Variants in TRPM7 observed in about 807,000 individuals in gnomAD.
TRPM7 encodes LTRPC ion channel family member 7.
In TRPM7, 134 loss-of-function variants were observed where a neutral mutation model predicts 229.7. The ratio of observed to expected loss-of-function variants is 0.58; its 90% CI spans 0.51 to 0.67. TRPM7 has a LOEUF of 0.67. Among genes scored for constraint, TRPM7 ranks in the 30% least tolerant of loss-of-function variants. TRPM7 has a pLI of 0.00. For synonymous variants in TRPM7, 699 were observed against 715.2 expected, an observed-to-expected ratio of 0.98 and a Z score of 0.36; for missense variants, 1,901 against 2,210.0, an observed-to-expected ratio of 0.86 and a Z score of 2.80.
chr15:50,609,206 TTTCTAGAC>T (rs2059998049), intron 19 of TRPM7, among the ~76,000 whole-genome samples: 1 of 152,198 alleles, frequency 6.6e-6, no homozygotes, highest in Non-Finnish European at 1.5e-5. Context: ...AACAGGTTTA[TTTCTAGAC>T]TTTTATGTAT....
Position 50,596,245 on chromosome 15 carries a change from A to G in TRPM7, c.3290+10T>C, listed in dbSNP as rs753849785. On this transcript the variant is annotated intron_variant, in intron 23 of 38. Transcript: ENST00000646667. The stretch of plus-strand genomic sequence containing the variant: ...TCATCTTATAACAAACAATTGAACA[A>G]AATTCTTACTTGAAAAATGCAATAA... 6 of 1,484,738 alleles carry G rather than the reference A, an allele frequency of 4.0e-6. No individual in the cohort carries two copies. The Admixed American group carries it at 1.2e-4, about 29-fold the overall frequency. 92.0% of individuals were successfully genotyped at this position (1,484,738 alleles called of 1,614,324 possible). A position where few individuals can be genotyped will look rare whatever the true frequency, so the allele number is the denominator to read the frequency against.
intron 22 of TRPM7, among the ~76,000 whole-genome samples, chr15:50,597,274 C>T (rs2059657930): frequency 6.6e-6 from 1 of 152,032 alleles, no homozygotes; most frequent in African/African-American, 2.4e-5. Flanking sequence ...AACAGCATTA[C>T]AAGGAATAAA....
intron 29 of TRPM7, among the ~76,000 whole-genome samples, chr15:50,582,782 T>C (rs2054483935): frequency 6.6e-6 from 1 of 152,212 alleles, no homozygotes; most frequent in Admixed American, 6.5e-5. Flanking sequence ...CTTGTCAGTG[T>C]GTGCTTTTAA....
intron 13 of TRPM7, 71 bp downstream of exon 13, chr15:50,619,674 T>C (rs1409899144): frequency 2.4e-6 from 3 of 1,252,360 alleles, no homozygotes; most frequent in South Asian, 1.5e-5. Context: ...AATGATTTTT[T>C]TTTTAAAAAA....
chr15:50,567,033 T>C (rs1443762549), intron 38 of TRPM7, among the ~76,000 whole-genome samples: 1 of 150,020 alleles, frequency 6.7e-6, no homozygotes, highest in African/African-American at 2.5e-5. Context: ...GCCCCCAAAT[T>C]TGACAATTAA....
rs1194881378 is a variant in TRPM7 at position 50,607,330 on chromosome 15, TAA to T, written c.2581-4_2581-3del. On this transcript the variant is annotated splice_polypyrimidine_tract_variant and splice_region_variant and intron_variant, in intron 19 of 38. Transcript: ENST00000646667. ...CATCAGAAATCCTAAATATGCCAACTAATGAAAAAGTAAAGGTTACATAAATA... is the reference window on the plus strand; with the variant it reads ...CATCAGAAATCCTAAATATGCCAACTTGAAAAAGTAAAGGTTACATAAATA... The T allele has an allele frequency of 3.2e-6, 5 of 1,562,484 alleles. No homozygotes were observed. The East Asian group carries it at 1.1e-4, about 36-fold the overall frequency.
intron 3 of TRPM7, among the ~76,000 whole-genome samples, chr15:50,653,124 A>G (rs1236652907): frequency 3.3e-5 from 5 of 152,174 alleles, no homozygotes; most frequent in Non-Finnish European, 5.9e-5. Flanking sequence ...AGTCTGGGCC[A>G]CAGAGTGAGA....
intron 27 of TRPM7, among the ~76,000 whole-genome samples, chr15:50,587,879 T>C (rs1275727683): frequency 6.6e-6 from 1 of 152,216 alleles, no homozygotes; most frequent in Non-Finnish European, 1.5e-5. Context: ...ATATTCCATA[T>C]GTCATATGGC....
intron 36 of TRPM7, among the ~76,000 whole-genome samples, chr15:50,573,097 T>A (rs1209370178): frequency 6.6e-6 from 1 of 152,164 alleles, no homozygotes; most frequent in Non-Finnish European, 1.5e-5. Flanking sequence ...TTTTCTTTTA[T>A]ATGTATGAAA....
Position 50,607,290 on chromosome 15 carries a change from C to A in TRPM7, c.2619G>T (p.Val873=). The A allele has an allele frequency of 1.2e-6, 2 of 1,603,668 alleles. No individual in the cohort carries two copies. The highest frequency in any genetic ancestry group is 1.7e-5 in the Admixed American group (1 of 58,758). The change falls in exon 20 of 39, where the codon GTG becomes GTT. Residue 873 remains valine (V), a synonymous_variant. Coordinates refer to ENST00000646667, the MANE Select transcript of TRPM7 (RefSeq NM_017672.6). ...GTAACTGTTCCATTTGTACAAGAACCACAAATGTATAAAGCATCAGAAATC... is the reference window on the plus strand; with the variant it reads ...GTAACTGTTCCATTTGTACAAGAACAACAAATGTATAAAGCATCAGAAATC... ...YLGFLMLYTF[V]VLVQMEQLPS...
In TRPM7 at chr15:50,607,185, A is replaced by ATAGTT; in HGVS notation, c.2709+14_2709+15insAACTA. 6.3e-7 allele frequency: 1 copy of ATAGTT among 1,593,296 alleles called. No individual in the cohort carries two copies. Among genetic ancestry groups the ATAGTT allele is most frequent in the South Asian group, 1.2e-5 (1 of 86,004 alleles). ...TATACAGTAAATTATTGGTAGAAAA[A>ATAGTT]AACTAAAGACATACCTCACGGACTT... On this transcript the variant is annotated intron_variant, in intron 20 of 38. Coordinates refer to ENST00000646667, the MANE Select transcript of TRPM7 (RefSeq NM_017672.6).
intron 5 of TRPM7, among the ~76,000 whole-genome samples, 191 bp from the exon 6 acceptor site, chr15:50,639,739 T>C (rs538868137): frequency 6.6e-6 from 1 of 151,570 alleles, no homozygotes; most frequent in Non-Finnish European, 1.5e-5. Flanking sequence ...GCTAATTTTT[T>C]TTTTTTTTTT....
chr15:50,610,001 T>G (rs201144221), intron 17 of TRPM7, 40 bp from the exon 18 acceptor site: 1 of 1,377,076 alleles, frequency 7.3e-7, no homozygotes, highest in Non-Finnish European at 1.0e-6. Flanking sequence ...TAAAAATTAA[T>G]GACCTTCAAG....
intron 10 of TRPM7, among the ~76,000 whole-genome samples, chr15:50,631,004 TAA>T (rs2060713295): frequency 6.6e-6 from 1 of 152,110 alleles, no homozygotes. Context: ...AGGTAATTTT[TAA>T]ACTTTTTGTA....
At chr15:50,584,632 T>TA (rs2054599394) in intron 28 of TRPM7, among the ~76,000 whole-genome samples, 3 of 151,608 alleles carry the variant, frequency 2.0e-5, no homozygotes, top group African/African-American at 7.3e-5. Flanking sequence ...TTTTTTTTTT[T>TA]TAAATTTTGG....
Position 50,607,188 on chromosome 15 carries a change from C to T in TRPM7, c.2709+12G>A, listed in dbSNP as rs776894566. The T allele has an allele frequency of 6.3e-7, 1 of 1,592,204 alleles. No individual in the cohort carries two copies. The highest frequency in any genetic ancestry group is 8.5e-7 in the Non-Finnish European group (1 of 1,173,306). On this transcript the variant is annotated intron_variant, in intron 20 of 38. Coordinates refer to ENST00000646667, the MANE Select transcript of TRPM7 (RefSeq NM_017672.6). ...ACAGTAAATTATTGGTAGAAAAAAA[C>T]TAAAGACATACCTCACGGACTTTCT...
At chr15:50,626,412 A>G (rs555756740) in intron 11 of TRPM7, among the ~76,000 whole-genome samples, 1 of 152,234 alleles carries the variant, frequency 6.6e-6, no homozygotes, top group African/African-American at 2.4e-5. Context: ...AGGGGGAAAA[A>G]GGGACCATTT....
At chr15:50,636,247 G>A (rs142161083) in intron 7 of TRPM7, among the ~76,000 whole-genome samples, 2 of 149,830 alleles carry the variant, frequency 1.3e-5, no homozygotes, top group East Asian at 3.9e-4. Flanking sequence ...ATGCAGTGAC[G>A]CGATCTTGGC....
chr15:50,562,124 G>A (rs192342075), intron 38 of TRPM7, among the ~76,000 whole-genome samples: 8 of 152,062 alleles, frequency 5.3e-5, no homozygotes, highest in Admixed American at 3.3e-4. Flanking sequence ...TTGAACTCCC[G>A]TCCTCAGGTG....
Sources: allele counts gnomAD v4.1 joint callset (sites outside exome capture counted in the v4.1 genomes callset), GRCh38; gene constraint gnomAD v4.1.1; transcripts MANE v1.5; gene names NCBI Gene and HGNC (gene_info 2026-07-23, HGNC 2026-07-21).